MYO10: variants seen among roughly 807,000 people sequenced by gnomAD.
MYO10 encodes the protein unconventional myosin-X.
A neutral mutation model predicts 257.3 loss-of-function variants in MYO10; 133 were observed. That is an observed-to-expected ratio of 0.52 (90% CI 0.45 to 0.60). The LOEUF (loss-of-function observed/expected upper bound fraction) is 0.60, where lower values mean the gene tolerates loss of function less well. Ranked by LOEUF, MYO10 falls within the 20% of genes least tolerant of loss-of-function variation. The probability of loss-of-function intolerance (pLI) is 0.00; values close to 1 mark genes in which losing one functional copy is unlikely to be tolerated. For missense variants in MYO10, 2,399 were observed against 2,635.7 expected (o/e 0.91, Z 1.97); for synonymous variants, 1,104 against 1,028.6 (o/e 1.07, Z -1.40).
intron 18 of MYO10, among the ~76,000 whole-genome samples, chr5:16,755,958 T>C (rs1286285092): frequency 6.6e-6 from 1 of 152,178 alleles, no homozygotes; most frequent in Non-Finnish European, 1.5e-5. Context: ...CACAGCATCA[T>C]CACACCTGAA....
chr5:16,929,078 G>A (rs2650461), intron 1 of MYO10, among the ~76,000 whole-genome samples: 70,661 of 150,142 alleles, frequency 0.47, 16,934 homozygotes, highest in Middle Eastern at 0.54. Flanking sequence ...TCAGCCTCCC[G>A]AGTAGCTGGG....
intron 4 of MYO10, among the ~76,000 whole-genome samples, chr5:16,791,543 CAT>C (rs1741756123): frequency 4.0e-5 from 3 of 74,978 alleles, no homozygotes; most frequent in Non-Finnish European, 8.1e-5. Flanking sequence ...TTAATACATA[CAT>C]ACACACACAC....
intron 3 of MYO10, among the ~76,000 whole-genome samples, chr5:16,796,372 AAAAG>A (rs1741956447): frequency 6.7e-6 from 1 of 149,696 alleles, no homozygotes; most frequent in African/African-American, 2.5e-5. Flanking sequence ...AAAGGGAAGA[AAAAG>A]AAAAGAACAG....
At chr5:16,676,848 A>T (rs1200085405) in intron 33 of MYO10, among the ~76,000 whole-genome samples, 1 of 152,258 alleles carries the variant, frequency 6.6e-6, no homozygotes, top group African/African-American at 2.4e-5. Flanking sequence ...TATAAAAAAT[A>T]AGAGAGCAAA....
chr5:16,794,297 A>C (rs1023803059), intron 4 of MYO10, among the ~76,000 whole-genome samples: 1 of 151,942 alleles, frequency 6.6e-6, no homozygotes, highest in African/African-American at 2.4e-5. Flanking sequence ...TGAAAGAACT[A>C]TGCAAGATTT....
At chr5:16,846,602 C>G (rs962663583) in intron 2 of MYO10, among the ~76,000 whole-genome samples, 2 of 152,172 alleles carry the variant, frequency 1.3e-5, no homozygotes, top group African/African-American at 4.8e-5. Context: ...CAAACAGGTC[C>G]ATAATTAGCA....
intron 1 of MYO10, among the ~76,000 whole-genome samples, chr5:16,927,746 T>C (rs1746176444): frequency 6.6e-6 from 1 of 152,188 alleles, no homozygotes; most frequent in Non-Finnish European, 1.5e-5. Flanking sequence ...GTTTCTCCCT[T>C]GTTCTAGCTG....
chr5:16,700,282 C>A (rs1737982437), intron 25 of MYO10, among the ~76,000 whole-genome samples: 1 of 152,106 alleles, frequency 6.6e-6, no homozygotes, highest in African/African-American at 2.4e-5. Context: ...CAGGATGTGT[C>A]TTCATTTCCT....
intron 1 of MYO10, among the ~76,000 whole-genome samples, chr5:16,906,368 G>A: frequency 6.6e-6 from 1 of 152,324 alleles, no homozygotes; most frequent in Non-Finnish European, 1.5e-5. Flanking sequence ...ATATCCTGAG[G>A]ACGGTAGGAA....
chr5:16,888,601 GA>G (rs1025909635), intron 1 of MYO10, among the ~76,000 whole-genome samples: 46 of 146,848 alleles, frequency 3.1e-4, no homozygotes, highest in Admixed American at 5.4e-4. Flanking sequence ...GTCTCAAAAG[GA>G]AAAAAAAAAT....
In MYO10 at chr5:16,715,430, C is replaced by T. The variant is rs191449176; in HGVS notation, c.1930-4185G>A. ...TTTTTTTTTTTTTGAGACAGGGTCT[C>T]GCTGGGATTACAGGCATTTGTCACC... On this transcript the variant is annotated intron_variant, in intron 19 of 40. Coordinates refer to ENST00000513610, the MANE Select transcript of MYO10 (RefSeq NM_012334.3). 3.2e-3 allele frequency among the ~76,000 whole-genome samples: 310 copies of T among 97,130 alleles called. 1 individual carries two copies. The highest frequency in any genetic ancestry group is 4.8e-3 in the Non-Finnish European group (255 of 52,896). The allele number at this position is 97,130 out of a possible 152,430, so 63.7% of individuals were successfully genotyped here. A position where few individuals can be genotyped will look rare whatever the true frequency, so the allele number is the denominator to read the frequency against.
At chr5:16,760,059 T>G (rs1218256696) in intron 17 of MYO10, among the ~76,000 whole-genome samples, 1 of 152,076 alleles carries the variant, frequency 6.6e-6, no homozygotes, top group Non-Finnish European at 1.5e-5. Flanking sequence ...AAACATGTGT[T>G]TTTGTTACAG....
chr5:16,817,875 G>A, intron 3 of MYO10, 134 bp downstream of exon 3: 2 of 852,118 alleles, frequency 2.3e-6, no homozygotes, highest in Non-Finnish European at 1.7e-6. Context: ...TTCTAATGTG[G>A]CAAATCCCTT....
chr5:16,673,101 A>G (rs1171720076), intron 36 of MYO10, among the ~76,000 whole-genome samples: 1 of 151,970 alleles, frequency 6.6e-6, no homozygotes, highest in African/African-American at 2.4e-5. Flanking sequence ...GCAAACCTAT[A>G]TTAACAGGAA....
intron 9 of MYO10, among the ~76,000 whole-genome samples, chr5:16,770,808 G>A (rs1472380968): frequency 6.6e-6 from 1 of 151,990 alleles, no homozygotes; most frequent in Non-Finnish European, 1.5e-5. Flanking sequence ...TCGCTGTTTC[G>A]CCCAGCCTGG....
intron 1 of MYO10, among the ~76,000 whole-genome samples, chr5:16,881,276 C>G (rs1306186269): frequency 2.0e-5 from 3 of 152,102 alleles, no homozygotes; most frequent in Non-Finnish European, 4.4e-5. Context: ...TAATATGTAC[C>G]CTTTTGGCTT....
chr5:16,785,881 TA>T (rs1026000866), intron 4 of MYO10, among the ~76,000 whole-genome samples: 16 of 69,086 alleles, frequency 2.3e-4, no homozygotes, highest in Non-Finnish European at 3.7e-4. Context: ...AAAAAATAAT[TA>T]AAAAAAACAA....
intron 1 of MYO10, among the ~76,000 whole-genome samples, chr5:16,909,051 A>G (rs537558234): frequency 3.2e-4 from 49 of 152,340 alleles, no homozygotes; most frequent in African/African-American, 1.2e-3. Flanking sequence ...ATGAAGAAAT[A>G]CCTGAGACTG....
rs1277880099 is a variant in MYO10 at position 16,665,975 on chromosome 5, A to G, written c.*717T>C. On this transcript the variant is annotated 3_prime_UTR_variant, in exon 41 of 41. Transcript: ENST00000513610. ...AAACCACCTTATAAAGTAACAATTG[A>G]GACTATAGCTCTGCATTATTAAAAT... The G allele has an allele frequency of 1.3e-5, 2 of 152,660 alleles. No homozygotes were observed. The highest frequency in any genetic ancestry group is 4.8e-5 in the African/African-American group (2 of 41,460). The allele number at this position is 152,660 out of a possible 1,614,324, so 9.5% of individuals were successfully genotyped here.
Sources: gnomAD v4.1 joint callset for allele counts (sites outside exome capture counted in the v4.1 genomes callset) on GRCh38, gnomAD v4.1.1 for gene constraint, MANE v1.5 for transcripts, NCBI Gene and HGNC (gene_info 2026-07-23, HGNC 2026-07-21) for gene names.